Variants in BMPR1A observed in about 807,000 individuals in gnomAD.
BMPR1A encodes the protein bone morphogenetic protein receptor type-1A.
BMPR1A carries 7 observed loss-of-function variants against 66.0 expected under a neutral mutation model. The observed-to-expected ratio is 0.11, with a 90% CI of 0.06 to 0.20. The LOEUF is 0.20. Among genes scored for constraint, BMPR1A ranks in the 10% least tolerant of loss-of-function variants. The pLI is 1.00. For synonymous variants in BMPR1A, 200 were observed against 229.7 expected, an observed-to-expected ratio of 0.87 and a Z score of 1.17; for missense variants, 408 against 669.1, an observed-to-expected ratio of 0.61 and a Z score of 4.31.
intron 5 of BMPR1A, among the ~76,000 whole-genome samples, chr10:86,897,125 G>C (rs972736206): frequency 6.6e-6 from 1 of 152,170 alleles, no homozygotes; most frequent in Admixed American, 6.5e-5. Context: ...GCCATTCCTT[G>C]TAACTTGGCG....
chr10:86,865,743 C>A (rs1274564652), intron 2 of BMPR1A, among the ~76,000 whole-genome samples: 3 of 152,222 alleles, frequency 2.0e-5, no homozygotes, highest in Non-Finnish European at 4.4e-5. Flanking sequence ...AGGATTGTCC[C>A]TGCACATTGC....
chr10:86,829,908 G>A (rs1245397299), intron 1 of BMPR1A, among the ~76,000 whole-genome samples: 1 of 152,090 alleles, frequency 6.6e-6, no homozygotes, highest in Admixed American at 6.6e-5. Flanking sequence ...ATTTCTTTGG[G>A]AGAGGTGCTG....
intron 2 of BMPR1A, chr10:86,855,600 A>G: frequency 1.7e-6 from 1 of 596,876 alleles, no homozygotes; most frequent in Non-Finnish European, 3.0e-6. Context: ...TATTTGAAGA[A>G]CTCTTGAGTA....
At chr10:86,882,741 G>A (rs1426281267) in intron 3 of BMPR1A, among the ~76,000 whole-genome samples, 3 of 150,630 alleles carry the variant, frequency 2.0e-5, no homozygotes, top group Non-Finnish European at 3.0e-5. Context: ...GAGACGGGCG[G>A]ATCACCTGAG....
chr10:86,906,296 C>G (rs1305066555), intron 7 of BMPR1A, among the ~76,000 whole-genome samples: 1 of 151,502 alleles, frequency 6.6e-6, no homozygotes, highest in Non-Finnish European at 1.5e-5. Context: ...AGCTACAATA[C>G]ATTTAGAAGC....
chr10:86,851,505 C>G (rs1842566859), intron 2 of BMPR1A, among the ~76,000 whole-genome samples: 1 of 152,170 alleles, frequency 6.6e-6, no homozygotes, highest in African/African-American at 2.4e-5. Flanking sequence ...ACCAAGTCAT[C>G]ATTAAGTCAT....
rs79728896 is a variant in BMPR1A at position 86,791,240 on chromosome 10, T to G, written c.-268+34321T>G. On this transcript the variant is annotated intron_variant, in intron 1 of 12. Coordinates refer to ENST00000372037, the MANE Select transcript of BMPR1A (RefSeq NM_004329.3). ...CTTTTTTTTTTTTTTTGAGACAAAG[T>G]CTCGCTCTGTTTCCCAGGCTGGAGT... Among the ~76,000 whole-genome samples the G allele has an allele frequency of 8.7e-3, 1,314 of 151,088 alleles. 24 individuals carry two copies. Among genetic ancestry groups the G allele is most frequent in the African/African-American group, 0.029 (1,199 of 41,066 alleles).
In BMPR1A at chr10:86,923,816, C is replaced by T. The variant is rs532701420; in HGVS notation, c.*97C>T. On this transcript the variant is annotated 3_prime_UTR_variant, in exon 13 of 13. Coordinates refer to ENST00000372037, the MANE Select transcript of BMPR1A (RefSeq NM_004329.3). The stretch of plus-strand genomic sequence containing the variant: ...GTGGAATAAGGATGTTAACTTGGTT[C>T]TCAGACTCTTTCTTCACTACGTGTT... The T allele has an allele frequency of 4.6e-6, 7 of 1,506,964 alleles. No individual in the cohort carries two copies. In the Admixed American group the frequency reaches 5.1e-5, roughly 11 times the overall value. The allele number at this position is 1,506,964 out of a possible 1,614,324, so 93.3% of individuals were successfully genotyped here. A position where few individuals can be genotyped will look rare whatever the true frequency, so the allele number is the denominator to read the frequency against.
chr10:86,874,228 T>C (rs1318010958), intron 2 of BMPR1A, among the ~76,000 whole-genome samples: 1 of 152,226 alleles, frequency 6.6e-6, no homozygotes, highest in African/African-American at 2.4e-5. Flanking sequence ...ACAATTTTAC[T>C]TTGAGGCATT....
Position 86,906,748 on chromosome 10 carries a change from A to C in BMPR1A, c.531-5492A>C, listed in dbSNP as rs1245683957. Among the ~76,000 whole-genome samples, 2 of 138,252 alleles carry C rather than the reference A, an allele frequency of 1.4e-5. 1 individual carries two copies. Among genetic ancestry groups the C allele is most frequent in the South Asian group, 4.6e-4 (2 of 4,362 alleles). The allele number at this position is 138,252 out of a possible 152,430, so 90.7% of individuals were successfully genotyped here. ...CAAAAAAAAAAAAAAAAAAAAAAAA[A>C]AAAAAAAAAAAAAACACTTTGTCCT... On this transcript the variant is annotated intron_variant, in intron 7 of 12. Coordinates refer to ENST00000372037, the MANE Select transcript of BMPR1A (RefSeq NM_004329.3).
intron 1 of BMPR1A, among the ~76,000 whole-genome samples, chr10:86,760,919 G>T (rs1276904116): frequency 6.6e-6 from 1 of 152,218 alleles, no homozygotes; most frequent in African/African-American, 2.4e-5. Flanking sequence ...AAGATACACA[G>T]TAGTGTTACA....
At chr10:86,840,752 G>C (rs1038764201) in intron 2 of BMPR1A, among the ~76,000 whole-genome samples, 2 of 152,038 alleles carry the variant, frequency 1.3e-5, no homozygotes, top group African/African-American at 2.4e-5. Flanking sequence ...GGACCTCTTT[G>C]TCACCCAGGC....
At chr10:86,794,423 A>G (rs1407104231) in intron 1 of BMPR1A, among the ~76,000 whole-genome samples, 1 of 152,162 alleles carries the variant, frequency 6.6e-6, no homozygotes, top group East Asian at 1.9e-4. Context: ...GTAATAGTTT[A>G]GGGTTCTAGA....
At chr10:86,807,536 A>G (rs973215353) in intron 1 of BMPR1A, among the ~76,000 whole-genome samples, 14 of 152,042 alleles carry the variant, frequency 9.2e-5, no homozygotes, top group Admixed American at 5.9e-4. Context: ...GTATGCCACC[A>G]TGCCTGGCAG....
At chr10:86,836,427 C>T (rs967296639) in intron 1 of BMPR1A, among the ~76,000 whole-genome samples, 1 of 152,084 alleles carries the variant, frequency 6.6e-6, no homozygotes, top group Admixed American at 6.5e-5. Flanking sequence ...CTTGATTTTC[C>T]TTGGCTGGTC....
intron 1 of BMPR1A, among the ~76,000 whole-genome samples, chr10:86,779,106 G>C (rs1841398397): frequency 6.6e-6 from 1 of 151,932 alleles, no homozygotes; most frequent in Admixed American, 6.6e-5. Flanking sequence ...ATTCCACTGT[G>C]TATGTATACC....
chr10:86,773,597 G>GAAAAAA (rs71019429), intron 1 of BMPR1A, among the ~76,000 whole-genome samples: 66 of 99,826 alleles, frequency 6.6e-4, no homozygotes, highest in Non-Finnish European at 9.2e-4. Flanking sequence ...GTCTCAGAAA[G>GAAAAAA]AAAAAAAAAA....
At chr10:86,909,245 A>C (rs969483384) in intron 7 of BMPR1A, among the ~76,000 whole-genome samples, 2 of 152,188 alleles carry the variant, frequency 1.3e-5, no homozygotes, top group Non-Finnish European at 2.9e-5. Flanking sequence ...TGTAAGGTCA[A>C]TAGTTAAAGC....
intron 1 of BMPR1A, among the ~76,000 whole-genome samples, chr10:86,773,359 C>T (rs532192060): frequency 4.0e-5 from 6 of 151,872 alleles, no homozygotes; most frequent in East Asian, 1.9e-4. Context: ...GAGGCTGAGG[C>T]GGGTGGATCA....
Sources: allele counts gnomAD v4.1 joint callset (sites outside exome capture counted in the v4.1 genomes callset), GRCh38; gene constraint gnomAD v4.1.1; transcripts MANE v1.5; gene names NCBI Gene and HGNC (gene_info 2026-07-23, HGNC 2026-07-21).